Variants in SAMD3 observed in about 807,000 individuals in gnomAD.
The protein encoded by SAMD3 is sterile alpha motif domain containing 3, also known as sterile alpha motif domain-containing protein 3.
SAMD3 carries 63 observed loss-of-function variants against 58.5 expected under a neutral mutation model. That is an observed-to-expected ratio of 1.08 (90% CI 0.88 to 1.33). The LOEUF (loss-of-function observed/expected upper bound fraction) is 1.33, where lower values mean the gene tolerates loss of function less well. SAMD3 is among the 40% of genes most tolerant of loss of function. The pLI is 0.00. For missense variants in SAMD3, 604 were observed against 608.4 expected (o/e 0.99, Z 0.08); for synonymous variants, 220 against 210.3 (o/e 1.05, Z -0.40).
chr6:130,359,762 T>C (rs1777932664), intron 1 of SAMD3, among the ~76,000 whole-genome samples: 1 of 152,174 alleles, frequency 6.6e-6, no homozygotes, highest in Non-Finnish European at 1.5e-5. Flanking sequence ...AAAAGAACAA[T>C]CTAAAACTGA....
At chr6:130,163,801 T>A (rs906019483) in intron 8 of SAMD3, among the ~76,000 whole-genome samples, 3 of 152,170 alleles carry the variant, frequency 2.0e-5, no homozygotes, top group African/African-American at 7.2e-5. Flanking sequence ...TAGTAAATAT[T>A]CTTAACATTT....
chr6:130,162,932 TTTAA>T (rs756138660), intron 8 of SAMD3, among the ~76,000 whole-genome samples: 13 of 152,290 alleles, frequency 8.5e-5, no homozygotes, highest in East Asian at 3.9e-4. Context: ...TTTTAACAAA[TTTAA>T]TTGTCATTTT....
At chr6:130,329,181 A>G (rs6569676) in intron 1 of SAMD3, among the ~76,000 whole-genome samples, 62,531 of 150,904 alleles carry the variant, frequency 0.41, 14,191 homozygotes, top group African/African-American at 0.61. Flanking sequence ...TTTTCCAATT[A>G]TCTTTGGTAT....
At chr6:130,280,233 C>T (rs934163414) in intron 2 of SAMD3, among the ~76,000 whole-genome samples, 14 of 152,210 alleles carry the variant, frequency 9.2e-5, no homozygotes, top group African/African-American at 3.4e-4. Context: ...AACCAGCCTC[C>T]TAATCACGAA....
At chr6:130,214,214 G>T (rs779524192) in intron 4 of SAMD3, 123 bp downstream of exon 4, 37 of 715,714 alleles carry the variant, frequency 5.2e-5, no homozygotes, top group Non-Finnish European at 7.7e-5. Flanking sequence ...TAGAAATACC[G>T]TACATACAAT....
chr6:130,216,002 T>A (rs932810587), intron 2 of SAMD3: 2 of 476,324 alleles, frequency 4.2e-6, no homozygotes, highest in Admixed American at 7.2e-5. Flanking sequence ...TAGGATAAAC[T>A]ACCACACTGA....
chr6:130,253,703 T>C (rs1046082762), intron 2 of SAMD3, among the ~76,000 whole-genome samples: 8 of 152,146 alleles, frequency 5.3e-5, no homozygotes, highest in African/African-American at 1.7e-4. Flanking sequence ...TAAATTAGTG[T>C]AATATTTCCT....
intron 2 of SAMD3, among the ~76,000 whole-genome samples, chr6:130,254,540 G>A (rs999088184): frequency 4.6e-5 from 7 of 152,008 alleles, no homozygotes; most frequent in Non-Finnish European, 8.8e-5. Flanking sequence ...TGTTGCCCAG[G>A]CTGGTCTCAA....
chr6:130,200,055 T>G (rs542189813), intron 5 of SAMD3, among the ~76,000 whole-genome samples: 2 of 152,030 alleles, frequency 1.3e-5, no homozygotes, highest in Non-Finnish European at 2.9e-5. Context: ...CAGTGTGAGA[T>G]TCAAGGCCTC....
chr6:130,153,101 T>C (rs551219472), intron 9 of SAMD3, among the ~76,000 whole-genome samples: 1 of 152,364 alleles, frequency 6.6e-6, no homozygotes, highest in East Asian at 1.9e-4. Flanking sequence ...CGTGGTGCTC[T>C]GCTAGGCACT....
rs766878203 is a variant in SAMD3, at chr6:130,146,107, T to TG, written c.1097dup (p.Glu367ArgfsTer28). 22 of 1,602,388 alleles carry TG rather than the reference T, an allele frequency of 1.4e-5. No individual in the cohort carries two copies. The Admixed American group carries it at 2.1e-4, about 15-fold the overall frequency. On this transcript the variant is annotated frameshift_variant, in exon 10 of 12. Transcript: ENST00000439090. LOFTEE classifies it high-confidence loss of function. The stretch of plus-strand genomic sequence containing the variant: ...CTGAAAAAGAAGTCAGTATATTTTC[T>TG]GAATAGGATTCCAAAATGTGCCTTG...
intron 7 of SAMD3, among the ~76,000 whole-genome samples, chr6:130,181,622 A>G (rs1347193540): frequency 6.6e-6 from 1 of 152,206 alleles, no homozygotes. Context: ...CACTTTGATA[A>G]CCATCAAACT....
At chr6:130,186,837 C>G in intron 5 of SAMD3, among the ~76,000 whole-genome samples, 1 of 133,980 alleles carries the variant, frequency 7.5e-6, no homozygotes. Context: ...GTGGTGCAAT[C>G]TCGGCTCACT....
intron 2 of SAMD3, among the ~76,000 whole-genome samples, chr6:130,254,174 A>T (rs200198243): frequency 1.9e-5 from 1 of 53,550 alleles, no homozygotes; most frequent in Admixed American, 2.2e-4. Context: ...TTGTATTTTT[A>T]TTTATTTATT....
intron 2 of SAMD3, among the ~76,000 whole-genome samples, chr6:130,281,522 T>A (rs1225597450): frequency 6.6e-6 from 1 of 152,032 alleles, no homozygotes; most frequent in African/African-American, 2.4e-5. Context: ...ATTTTTCCAC[T>A]CTCTCTATAG....
intron 1 of SAMD3, among the ~76,000 whole-genome samples, chr6:130,327,957 T>C (rs1440626631): frequency 6.6e-6 from 1 of 152,192 alleles, no homozygotes; most frequent in Non-Finnish European, 1.5e-5. Flanking sequence ...GCATTGTTTA[T>C]CTCCAGAAAT....
intron 2 of SAMD3, among the ~76,000 whole-genome samples, chr6:130,308,547 C>T (rs1156467828): frequency 1.3e-5 from 2 of 151,716 alleles, no homozygotes; most frequent in East Asian, 3.9e-4. Flanking sequence ...TTGATGGTAA[C>T]ACATTGGACC....
intron 8 of SAMD3, chr6:130,162,023 C>G (rs1325208664): frequency 5.0e-6 from 2 of 399,404 alleles, no homozygotes; most frequent in African/African-American, 4.1e-5. Flanking sequence ...AAGAAATACA[C>G]TGAAGGGAAG....
chr6:130,282,717 G>A (rs1287877308), intron 2 of SAMD3, among the ~76,000 whole-genome samples: 1 of 152,142 alleles, frequency 6.6e-6, no homozygotes, highest in Non-Finnish European at 1.5e-5. Flanking sequence ...AAACAAAAGA[G>A]AATTTTCTGA....
Sources: gnomAD v4.1 joint callset for allele counts (sites outside exome capture counted in the v4.1 genomes callset) on GRCh38, gnomAD v4.1.1 for gene constraint, MANE v1.5 for transcripts, NCBI Gene and HGNC (gene_info 2026-07-23, HGNC 2026-07-21) for gene names.